ROS1: variants seen among roughly 807,000 people sequenced by gnomAD.
ROS1 encodes proto-oncogene tyrosine-protein kinase ROS.
In ROS1, 263 loss-of-function variants were observed where a neutral mutation model predicts 273.5. The ratio of observed to expected loss-of-function variants is 0.96; its 90% CI spans 0.87 to 1.06. ROS1 has a LOEUF of 1.06. Among genes scored for constraint, ROS1 ranks in the 50% least tolerant of loss-of-function variants. The pLI, the probability that ROS1 is intolerant of heterozygous loss-of-function variation, is 0.00. For synonymous variants in ROS1, 1,008 were observed against 954.1 expected (o/e 1.06, Z -1.04); for missense variants, 2,833 against 2,751.1 (o/e 1.03, Z -0.67).
intron 12 of ROS1, among the ~76,000 whole-genome samples, chr6:117,391,916 AAC>A (rs1292060779): frequency 3.3e-5 from 5 of 152,356 alleles, no homozygotes; most frequent in East Asian, 1.9e-4. Context: ...TACACTTAGA[AAC>A]ACACATTCAG....
At chr6:117,294,127 T>G (rs1168504050) in intron 43 of ROS1, among the ~76,000 whole-genome samples, 1 of 152,094 alleles carries the variant, frequency 6.6e-6, no homozygotes, top group Non-Finnish European at 1.5e-5. Flanking sequence ...ATAAAAGCTC[T>G]CAAAAAATTA....
intron 33 of ROS1, among the ~76,000 whole-genome samples, chr6:117,327,618 A>C (rs1776738370): frequency 6.6e-6 from 1 of 152,214 alleles, no homozygotes; most frequent in African/African-American, 2.4e-5. Flanking sequence ...TCTCCATTTT[A>C]CAGATGAGGA....
Position 117,340,782 on chromosome 6 carries a change from T to A in ROS1, c.5061+353A>T, listed in dbSNP as rs116155480. Among the ~76,000 whole-genome samples, 916 of 152,166 alleles carry A rather than the reference T, an allele frequency of 6.0e-3. 8 individuals are homozygous for A. The highest frequency in any genetic ancestry group is 0.021 in the African/African-American group (862 of 41,532). On this transcript the variant is annotated intron_variant, in intron 31 of 43. Coordinates refer to ENST00000368507, the MANE Select transcript of ROS1 (RefSeq NM_001378902.1). Reference sequence around the variant, plus strand: ...AGAACATTTCTAAACAAGGTTTTGGTTTTTTCTTTCTTCAGTTCTTTTTCA... The same window carrying A: ...AGAACATTTCTAAACAAGGTTTTGGATTTTTCTTTCTTCAGTTCTTTTTCA...
chr6:117,385,848 AT>A lies in ROS1; in HGVS notation c.2123del (p.Tyr708LeufsTer19), dbSNP rs1448135134. On this transcript the variant is annotated frameshift_variant, in exon 16 of 44. Transcript: ENST00000368507. LOFTEE classifies it high-confidence loss of function. ...TGTCACTGTAGTAGAGGCTGTTGTTATACCAATCCATGTCTCAAAATAAAGT... is the reference window on the plus strand; with the variant it reads ...TGTCACTGTAGTAGAGGCTGTTGTTAACCAATCCATGTCTCAAAATAAAGT... ...DIGNVSDMDW[Y>X]NNSLYYSDTK... The A allele has an allele frequency of 1.9e-6, 3 of 1,613,970 alleles. No homozygotes were observed. The South Asian group carries it at 3.3e-5, about 18-fold the overall frequency.
chr6:117,305,113 A>G (rs1775006430), intron 42 of ROS1, among the ~76,000 whole-genome samples: 4 of 152,278 alleles, frequency 2.6e-5, no homozygotes, highest in Admixed American at 2.6e-4. Context: ...TTTATAAGTT[A>G]CCAGTTCCTG....
rs1182240252 is a variant in ROS1 at position 117,287,418 on chromosome 6, A to G, written c.*1074T>C. Among the ~76,000 whole-genome samples the G allele has an allele frequency of 1.3e-5, 2 of 152,214 alleles. No individual in the cohort carries two copies. Among genetic ancestry groups the G allele is most frequent in the Admixed American group, 1.3e-4 (2 of 15,278 alleles). Reference sequence around the variant, plus strand: ...TTTGATACAAAATGTAATCTTAAGTATTTTATACATAAAATAGATATGGCA... The same window carrying G: ...TTTGATACAAAATGTAATCTTAAGTGTTTTATACATAAAATAGATATGGCA... On this transcript the variant is annotated 3_prime_UTR_variant, in exon 44 of 44. Transcript: ENST00000368507.
intron 28 of ROS1, 97 bp from the exon 29 acceptor site, chr6:117,342,641 CA>C (rs1467621882): frequency 1.6e-5 from 13 of 788,306 alleles, no homozygotes; most frequent in South Asian, 8.8e-5. Flanking sequence ...GTTAAAGGCT[CA>C]AAAAAATTAA....
At chr6:117,322,282 T>C (rs940966800) in intron 35 of ROS1, among the ~76,000 whole-genome samples, 14 of 152,128 alleles carry the variant, frequency 9.2e-5, no homozygotes, top group Non-Finnish European at 1.8e-4. Flanking sequence ...ACCACCTCGC[T>C]TCACTTTTAA....
At chr6:117,360,756 TAA>T (rs1288221742) in intron 22 of ROS1, among the ~76,000 whole-genome samples, 1 of 152,150 alleles carries the variant, frequency 6.6e-6, no homozygotes, top group African/African-American at 2.4e-5. Context: ...ATACATTTAT[TAA>T]GTCATGTTGT....
At chr6:117,378,272 C>T (rs1339626745) in intron 18 of ROS1, among the ~76,000 whole-genome samples, 1 of 152,138 alleles carries the variant, frequency 6.6e-6, no homozygotes, top group Non-Finnish European at 1.5e-5. Context: ...TCCATCAAGA[C>T]ATGCATAGAA....
chr6:117,368,697 T>C (rs1279179586), intron 18 of ROS1, among the ~76,000 whole-genome samples: 1 of 152,156 alleles, frequency 6.6e-6, no homozygotes, highest in Non-Finnish European at 1.5e-5. Context: ...ACGTATAATA[T>C]ATTAAAATAT....
chr6:117,338,539 C>CAAA (rs3086778), intron 31 of ROS1, among the ~76,000 whole-genome samples: 9 of 141,610 alleles, frequency 6.4e-5, no homozygotes, highest in Non-Finnish European at 1.4e-4. Flanking sequence ...AACTCCTGGC[C>CAAA]AAAAAAAAAA....
Position 117,389,455 on chromosome 6 carries a change from A to C in ROS1, c.1681T>G (p.Ser561Ala), listed in dbSNP as rs773272241. The C allele has an allele frequency of 6.2e-7, 1 of 1,614,190 alleles. No homozygotes were observed. The highest frequency in any genetic ancestry group is 8.5e-7 in the Non-Finnish European group (1 of 1,180,034). ...CGGCCTGGCAGAGGGTGCAGCTGGG[A>C]GGATGAGCCAAAGATGACCAAGTTA... The part of the protein sequence containing the change: ...FGNLVIFGSS[S>A]QLHPLPGRPQ... Residue 561 changes from serine (S) to alanine (A), a missense_variant, in exon 13 of 44, where the codon TCC becomes GCC. Transcript: ENST00000368507.
At chr6:117,403,060 T>C in intron 7 of ROS1, 79 bp downstream of exon 7, 1 of 1,500,332 alleles carries the variant, frequency 6.7e-7, no homozygotes, top group Non-Finnish European at 9.2e-7. Flanking sequence ...ATAGATTTAT[T>C]TCATTGTTTA....
At chr6:117,357,779 TA>T (rs762742988) in intron 25 of ROS1, 24 bp downstream of exon 25, 13 of 1,446,254 alleles carry the variant, frequency 9.0e-6, no homozygotes, top group Non-Finnish European at 1.3e-5. Flanking sequence ...CATCACAATA[TA>T]AAAAAATACT....
At chr6:117,357,717 G>T in intron 25 of ROS1, 87 bp downstream of exon 25, 2 of 874,002 alleles carry the variant, frequency 2.3e-6, no homozygotes, top group African/African-American at 1.7e-5. Flanking sequence ...TTCCATAATT[G>T]TCTTCTACTA....
intron 17 of ROS1, among the ~76,000 whole-genome samples, chr6:117,382,804 A>T (rs1215953149): frequency 4.6e-5 from 7 of 151,488 alleles, no homozygotes; most frequent in East Asian, 1.9e-4. Flanking sequence ...TAATCTTTAT[A>T]AAAAAAAACT....
In ROS1 at chr6:117,409,608, T is replaced by C. The variant is rs1295924873; in HGVS notation, c.290A>G (p.Glu97Gly). Residue 97 changes from glutamate to glycine, a missense_variant, in exon 5 of 44, where the codon GAA (glutamate) becomes GGA (glycine). Glu to Gly is a moderately conservative substitution (Grantham distance 98, BLOSUM62 -2). Coordinates refer to ENST00000368507, the MANE Select transcript of ROS1 (RefSeq NM_001378902.1). ...ESCEVGCSSA[E>G]GAYEEEVLEN... The stretch of plus-strand genomic sequence containing the variant: ...CAGTACTTCCTCTTCATATGCACCT[T>C]CCGCGCTGCTACAGCCAACCTCACA... The C allele has an allele frequency of 1.2e-6, 2 of 1,613,844 alleles. No homozygotes were observed. Among genetic ancestry groups the C allele is most frequent in the Admixed American group, 3.3e-5 (2 of 59,956 alleles).
chr6:117,414,469 A>C (rs549112148), intron 4 of ROS1, 50 bp downstream of exon 4: 2 of 732,024 alleles, frequency 2.7e-6, no homozygotes, highest in East Asian at 5.1e-5. Flanking sequence ...TAGAGACCAG[A>C]GATGAAGACA....
Sources: gnomAD v4.1 joint callset for allele counts (sites outside exome capture counted in the v4.1 genomes callset) on GRCh38, gnomAD v4.1.1 for gene constraint, MANE v1.5 for transcripts, NCBI Gene and HGNC (gene_info 2026-07-23, HGNC 2026-07-21) for gene names.